ROR1: variants seen among roughly 807,000 people sequenced by gnomAD.
ROR1 encodes the protein ROR family WNT receptor 1, also known as inactive tyrosine-protein kinase transmembrane receptor ROR1.
ROR1 carries 19 observed loss-of-function variants against 78.8 expected under a neutral mutation model. That is an observed-to-expected ratio of 0.24 (90% CI 0.17 to 0.35). The LOEUF is 0.35. Ranked by LOEUF, ROR1 falls within the 10% of genes least tolerant of loss-of-function variation. ROR1 has a pLI of 1.00. For synonymous variants in ROR1, 386 were observed against 433.6 expected (o/e 0.89, Z 1.36); for missense variants, 917 against 1,177.8 (o/e 0.78, Z 3.24).
chr1:64,016,475 G>T (rs974218106), intron 2 of ROR1, among the ~76,000 whole-genome samples: 3 of 152,056 alleles, frequency 2.0e-5, no homozygotes, highest in South Asian at 4.2e-4. Flanking sequence ...CTAGCAGACA[G>T]TTTAAAATTA....
intron 4 of ROR1, among the ~76,000 whole-genome samples, chr1:64,080,367 G>C (rs61765401): frequency 0.15 from 22,594 of 152,166 alleles, 1,774 homozygotes; most frequent in Middle Eastern, 0.2. Flanking sequence ...CAAAGAATCA[G>C]CCAGCCCAAA....
At chr1:63,884,840 G>T (rs1346087555) in intron 1 of ROR1, among the ~76,000 whole-genome samples, 1 of 145,782 alleles carries the variant, frequency 6.9e-6, no homozygotes, top group Admixed American at 6.9e-5. Context: ...GTTATGGTGT[G>T]TTTTTTTTTT....
chr1:63,967,055 G>A (rs561696257), intron 1 of ROR1, among the ~76,000 whole-genome samples: 3 of 152,246 alleles, frequency 2.0e-5, no homozygotes, highest in East Asian at 3.9e-4. Flanking sequence ...TCTAAAATTA[G>A]TTCTTAAGGG....
chr1:63,842,809 A>T (rs1645057048), intron 1 of ROR1, among the ~76,000 whole-genome samples: 1 of 152,014 alleles, frequency 6.6e-6, no homozygotes, highest in African/African-American at 2.4e-5. Context: ...TTATACACAG[A>T]ACTGAACAGC....
intron 1 of ROR1, among the ~76,000 whole-genome samples, chr1:63,914,009 A>G (rs922086341): frequency 6.6e-6 from 1 of 152,138 alleles, no homozygotes; most frequent in African/African-American, 2.4e-5. Flanking sequence ...AGAAGTTCCT[A>G]TGCCTGTGTC....
chr1:64,039,965 G>T (rs1646733318), intron 2 of ROR1, among the ~76,000 whole-genome samples: 1 of 152,092 alleles, frequency 6.6e-6, no homozygotes, highest in African/African-American at 2.4e-5. Flanking sequence ...TTGCTTTTTT[G>T]TTGTTGTTTT....
intron 7 of ROR1, among the ~76,000 whole-genome samples, chr1:64,152,161 TAAAG>T (rs926135023): frequency 3.9e-5 from 6 of 152,314 alleles, no homozygotes; most frequent in Non-Finnish European, 7.4e-5. Context: ...AAAAACCTAA[TAAAG>T]AACAAGTCTA....
chr1:63,885,455 G>A (rs946133729), intron 1 of ROR1, among the ~76,000 whole-genome samples: 1 of 152,118 alleles, frequency 6.6e-6, no homozygotes, highest in Non-Finnish European at 1.5e-5. Flanking sequence ...GGGGGATATG[G>A]CAGTGTCTGG....
At chr1:64,089,496 C>G (rs1647178777) in intron 4 of ROR1, among the ~76,000 whole-genome samples, 1 of 152,128 alleles carries the variant, frequency 6.6e-6, no homozygotes. Context: ...TAAGGGTGAG[C>G]CACCGCGCCA....
At chr1:64,046,590 A>G (rs1180168564) in intron 2 of ROR1, among the ~76,000 whole-genome samples, 3 of 152,172 alleles carry the variant, frequency 2.0e-5, no homozygotes, top group Non-Finnish European at 4.4e-5. Context: ...ATCAGCCAGC[A>G]CCCATGGCTA....
chr1:64,164,670 G>A (rs1270859583), intron 8 of ROR1, among the ~76,000 whole-genome samples: 1 of 152,040 alleles, frequency 6.6e-6, no homozygotes, highest in Non-Finnish European at 1.5e-5. Context: ...TGTCATGGGA[G>A]TTTGTTGTAC....
At chr1:64,123,523 C>T (rs1395478220) in intron 4 of ROR1, among the ~76,000 whole-genome samples, 4 of 152,074 alleles carry the variant, frequency 2.6e-5, no homozygotes, top group African/African-American at 9.7e-5. Flanking sequence ...CTCATAAAAC[C>T]TCAGTGTTTT....
intron 2 of ROR1, among the ~76,000 whole-genome samples, chr1:64,022,134 A>C (rs1266331097): frequency 6.6e-6 from 1 of 152,266 alleles, no homozygotes; most frequent in Non-Finnish European, 1.5e-5. Context: ...GAGTGAAAGA[A>C]GCCAGACCTA....
rs559999021 is a variant in ROR1, at chr1:64,138,642, T to C, written c.610+1146T>C. On this transcript the variant is annotated intron_variant, in intron 5 of 8. Coordinates refer to ENST00000371079, the MANE Select transcript of ROR1 (RefSeq NM_005012.4). Reference sequence around the variant, plus strand: ...CTCACTGCAAGCTCTGCTTCCTAGGTTCATGCCATTCTCCTGCATCAGCCT... The same window carrying C: ...CTCACTGCAAGCTCTGCTTCCTAGGCTCATGCCATTCTCCTGCATCAGCCT... 2.0e-5 allele frequency among the ~76,000 whole-genome samples: 3 copies of C among 150,860 alleles called. No homozygotes were observed. The East Asian group carries it at 5.9e-4, about 30-fold the overall frequency.
intron 7 of ROR1, among the ~76,000 whole-genome samples, chr1:64,158,497 G>A (rs537029307): frequency 5.3e-5 from 8 of 152,152 alleles, no homozygotes; most frequent in Non-Finnish European, 8.8e-5. Flanking sequence ...TGTTGATTCT[G>A]GAAGATGCAG....
At chr1:64,127,791 A>C (rs762406649) in intron 4 of ROR1, among the ~76,000 whole-genome samples, 5 of 152,186 alleles carry the variant, frequency 3.3e-5, no homozygotes, top group Non-Finnish European at 5.9e-5. Context: ...AACCATCTTA[A>C]CTTGAAAACC....
chr1:63,913,537 T>C, intron 1 of ROR1, among the ~76,000 whole-genome samples: 1 of 152,196 alleles, frequency 6.6e-6, no homozygotes, highest in Non-Finnish European at 1.5e-5. Context: ...GTTCTTTCAT[T>C]ATTCATTCTA....
At chr1:64,154,983 G>A (rs569440965) in intron 7 of ROR1, among the ~76,000 whole-genome samples, 1 of 152,120 alleles carries the variant, frequency 6.6e-6, no homozygotes, top group Non-Finnish European at 1.5e-5. Context: ...AGAGAACTTC[G>A]GACTCTTAAG....
intron 1 of ROR1, among the ~76,000 whole-genome samples, chr1:63,828,005 T>A (rs1339067607): frequency 6.6e-6 from 1 of 152,246 alleles, no homozygotes; most frequent in Non-Finnish European, 1.5e-5. Context: ...ATATTCCCCT[T>A]ATTTATATGT....
Sources: gnomAD v4.1 joint callset for allele counts (sites outside exome capture counted in the v4.1 genomes callset) on GRCh38, gnomAD v4.1.1 for gene constraint, MANE v1.5 for transcripts, NCBI Gene and HGNC (gene_info 2026-07-23, HGNC 2026-07-21) for gene names.